RPS6KA3: variants seen among roughly 807,000 people sequenced by gnomAD.
RPS6KA3 encodes the protein ribosomal protein S6 kinase A3.
Under a neutral mutation model 67.2 loss-of-function variants are expected in RPS6KA3, and 4 were observed. That is an observed-to-expected ratio of 0.06 (90% CI 0.03 to 0.14). The LOEUF (loss-of-function observed/expected upper bound fraction) is 0.14. Ranked by LOEUF, RPS6KA3 falls within the 10% of genes least tolerant of loss-of-function variation. RPS6KA3 has a pLI of 1.00. For missense variants in RPS6KA3, 204 were observed against 559.0 expected (o/e 0.36, Z 6.40); for synonymous variants, 182 against 183.7 (o/e 0.99, Z 0.07).
At chrX:20,159,583 GCT>G (rs1233922674) in intron 20 of RPS6KA3, among the ~76,000 whole-genome samples, 7 of 111,864 alleles carry the variant, frequency 6.3e-5, no homozygotes, top group African/African-American at 2.3e-4. Context: ...AATTTTTTAT[GCT>G]CTGTGTCTCC....
chrX:20,181,182 A>C lies in RPS6KA3; in HGVS notation c.846-4098T>G, dbSNP rs752425830. On this transcript the variant is annotated intron_variant, in intron 10 of 21. Transcript: ENST00000379565. ...AAGAAAAAAAGAATAGATAAAGCAA[A>C]ATGGCCAAATCTTGATAAATGTCGA... is the stretch of plus-strand genomic sequence containing the variant. 5.3e-5 allele frequency among the ~76,000 whole-genome samples: 6 copies of C among 112,405 alleles called. No individual in the cohort carries two copies. The South Asian group carries it at 2.2e-3, about 41-fold the overall frequency.
intron 2 of RPS6KA3, among the ~76,000 whole-genome samples, chrX:20,222,666 A>G (rs2069012740): frequency 9.0e-6 from 1 of 111,692 alleles, no homozygotes; most frequent in Non-Finnish European, 1.9e-5. Context: ...ATTTTTATTT[A>G]TTTAAAGAAA....
rs1485577067 is a variant in RPS6KA3, at chrX:20,154,608, T to C, written c.*790A>G. The C allele has an allele frequency of 8.9e-6, 1 of 112,975 alleles. No homozygotes were observed. The highest frequency in any genetic ancestry group is 3.2e-5 in the African/African-American group (1 of 31,011). 9.3% of individuals were successfully genotyped at this position (112,975 alleles called of 1,213,427 possible). A position where few individuals can be genotyped will look rare whatever the true frequency, so the allele number is the denominator to read the frequency against. On this transcript the variant is annotated 3_prime_UTR_variant, in exon 22 of 22. Transcript: ENST00000379565. ...ATGGACTAACTTCATAGGTGTATTC[T>C]TGATTTCATGCCACACACATATGAT...
rs2068655724 is a variant in RPS6KA3 at position 20,209,487 on chromosome X, T to C, written c.127-83A>G. The C allele has an allele frequency of 7.4e-6, 4 of 540,146 alleles. No homozygotes were observed. The South Asian group carries it at 7.7e-5, about 10-fold the overall frequency. 44.5% of individuals were successfully genotyped at this position (540,146 alleles called of 1,213,427 possible). A position where few individuals can be genotyped will look rare whatever the true frequency, so the allele number is the denominator to read the frequency against. ...TAAAAATCAAACAATATTAATTTAA[T>C]CTTACTAGAAATTAATTAGAAATCA... On this transcript the variant is annotated intron_variant, in intron 2 of 21. Transcript: ENST00000379565.
chrX:20,158,616 A>C (rs2067241221), intron 20 of RPS6KA3, among the ~76,000 whole-genome samples: 1 of 111,679 alleles, frequency 9.0e-6, no homozygotes, highest in South Asian at 3.7e-4. Context: ...TGCAATTCTG[A>C]AAGTAGGCAA....
intron 4 of RPS6KA3, among the ~76,000 whole-genome samples, chrX:20,197,121 C>T (rs1192720835): frequency 1.8e-5 from 2 of 112,538 alleles, no homozygotes; most frequent in Non-Finnish European, 3.8e-5. Flanking sequence ...ATTACAGGCA[C>T]GGGCCACCAC....
intron 2 of RPS6KA3, among the ~76,000 whole-genome samples, chrX:20,232,631 C>G (rs1406145443): frequency 9.0e-6 from 1 of 111,340 alleles, no homozygotes; most frequent in African/African-American, 3.3e-5. Flanking sequence ...GTACATACTA[C>G]AATGAAAGGC....
intron 17 of RPS6KA3, among the ~76,000 whole-genome samples, chrX:20,165,552 AT>A (rs1301832208): frequency 9.0e-6 from 1 of 111,369 alleles, no homozygotes; most frequent in East Asian, 2.8e-4. Flanking sequence ...GGGTCTCTAG[AT>A]TAGGTAACAT....
chrX:20,259,513 T>C (rs1441199321), intron 1 of RPS6KA3, among the ~76,000 whole-genome samples: 1 of 111,954 alleles, frequency 8.9e-6, no homozygotes, highest in African/African-American at 3.2e-5. Context: ...AAGATTTCAA[T>C]TCAAAATGAA....
intron 16 of RPS6KA3, among the ~76,000 whole-genome samples, chrX:20,169,079 C>A (rs1260211954): frequency 1.8e-5 from 2 of 111,975 alleles, no homozygotes; most frequent in African/African-American, 3.2e-5. Flanking sequence ...TCTTGAACTC[C>A]TGGGCTCAAG....
chrX:20,214,211 C>T (rs957827212), intron 2 of RPS6KA3, among the ~76,000 whole-genome samples: 1 of 110,913 alleles, frequency 9.0e-6, no homozygotes, highest in African/African-American at 3.3e-5. Context: ...TCTGTAGGCC[C>T]GCTGCACAGC....
intron 1 of RPS6KA3, among the ~76,000 whole-genome samples, chrX:20,250,044 T>C (rs936244513): frequency 8.9e-6 from 1 of 112,517 alleles, no homozygotes; most frequent in Non-Finnish European, 1.9e-5. Context: ...TTTTGTAACT[T>C]TGACAAAAAT....
At chrX:20,174,322 C>T (rs2067644551) in intron 14 of RPS6KA3, among the ~76,000 whole-genome samples, 1 of 107,424 alleles carries the variant, frequency 9.3e-6, no homozygotes, top group African/African-American at 3.4e-5. Flanking sequence ...TCATGTTTAT[C>T]TCAACTCTTT....
intron 2 of RPS6KA3, among the ~76,000 whole-genome samples, chrX:20,217,079 T>C (rs926909445): frequency 1.8e-5 from 2 of 112,133 alleles, no homozygotes; most frequent in African/African-American, 6.5e-5. Context: ...TTTACAATTC[T>C]GTAAAGAGTG....
chrX:20,203,992 A>G, intron 4 of RPS6KA3, 30 bp downstream of exon 4: 1 of 1,097,092 alleles, frequency 9.1e-7, no homozygotes. Context: ...TTTAGACTAC[A>G]TGAACATTAC....
In RPS6KA3 at chrX:20,256,123, T is replaced by C. The variant is rs749788335; in HGVS notation, c.69+10441A>G. 1.5e-4 allele frequency among the ~76,000 whole-genome samples: 12 copies of C among 78,564 alleles called. No individual in the cohort carries two copies. The South Asian group carries it at 8.9e-3, about 58-fold the overall frequency. The allele number at this position is 78,564 out of a possible 115,157, so 68.2% of individuals were successfully genotyped here. On this transcript the variant is annotated intron_variant, in intron 1 of 21. Transcript: ENST00000379565. ...GAAATACATATACAAGGACCTTCCA[T>C]ATCAGCATTAGAGCAAAAAGCTCTG...
intron 2 of RPS6KA3, among the ~76,000 whole-genome samples, chrX:20,221,104 A>G (rs2068977569): frequency 8.9e-6 from 1 of 111,926 alleles, no homozygotes; most frequent in Non-Finnish European, 1.9e-5. Context: ...GTCCTTTGGT[A>G]CATCTCTTAT....
intron 11 of RPS6KA3, 107 bp from the exon 12 acceptor site, chrX:20,176,605 AT>A (rs1445953207): frequency 1.8e-5 from 10 of 556,389 alleles, no homozygotes; most frequent in Non-Finnish European, 3.0e-5. Flanking sequence ...TAATTAATTA[AT>A]TTTGAGACAA....
intron 1 of RPS6KA3, 73 bp from the exon 2 acceptor site, chrX:20,234,887 A>C (rs889376498): frequency 5.5e-5 from 9 of 163,630 alleles, no homozygotes; most frequent in South Asian, 3.7e-4. Context: ...GAAGGCAGAC[A>C]AAAAAAAAAA....
Sources: gnomAD v4.1 joint callset for allele counts (sites outside exome capture counted in the v4.1 genomes callset) on GRCh38, gnomAD v4.1.1 for gene constraint, MANE v1.5 for transcripts, NCBI Gene and HGNC (gene_info 2026-07-23, HGNC 2026-07-21) for gene names.